SP9: variants seen among roughly 807,000 people sequenced by gnomAD.
SP9 encodes transcription factor Sp9.
In SP9, 5 loss-of-function variants were observed where a neutral mutation model predicts 23.0. The ratio of observed to expected loss-of-function variants is 0.22; its 90% CI spans 0.11 to 0.46. The LOEUF (loss-of-function observed/expected upper bound fraction) is 0.46, where lower values mean the gene tolerates loss of function less well. Ranked by LOEUF, SP9 falls within the 20% of genes least tolerant of loss-of-function variation. The pLI is 0.99. For synonymous variants in SP9, 360 were observed against 356.5 expected, an observed-to-expected ratio of 1.01 and a Z score of -0.11; for missense variants, 542 against 724.0, an observed-to-expected ratio of 0.75 and a Z score of 2.88.
intron 1 of SP9, chr2:174,335,745 C>T: frequency 3.8e-6 from 1 of 264,836 alleles, no homozygotes; most frequent in Non-Finnish European, 7.2e-6. Flanking sequence ...TCTGTGTTTA[C>T]CTTCGCGCTT....
At position 174,334,997 on chromosome 2, in the gene SP9, G is replaced by C; in HGVS notation, c.-96G>C. The C allele has an allele frequency of 1.4e-6, 2 of 1,421,522 alleles. No homozygotes were observed. Among genetic ancestry groups the C allele is most frequent in the East Asian group, 2.5e-5 (1 of 39,892 alleles). The allele number at this position is 1,421,522 out of a possible 1,614,324, so 88.1% of individuals were successfully genotyped here. ...CCTGGAGTCCGCTCGGCACGAGCGC[G>C]GGGACGCGGGAGCCGCGCGGGACCC... is the stretch of plus-strand genomic sequence containing the variant. On this transcript the variant is annotated 5_prime_UTR_variant, in exon 1 of 2. Transcript: ENST00000394967.
chr2:174,335,258 T>C, intron 1 of SP9, 145 bp downstream of exon 1: 12 of 898,614 alleles, frequency 1.3e-5, no homozygotes, highest in Non-Finnish European at 2.0e-5. Flanking sequence ...TTTCTGGGAC[T>C]GATTTTTCCC....
rs1472693146 is a variant in SP9 at position 174,336,418 on chromosome 2, C to T, written c.333C>T (p.Asn111=). ...FSSDYGGLFS[N]SAAAAAAAAG... ...GCGACTACGGCGGCCTCTTCTCCAA[C>T]TCGGCGGCTGCCGCGGCGGCAGCGG... Residue 111 remains asparagine (N), a synonymous_variant, in exon 2 of 2, where the codon AAC becomes AAT. Transcript: ENST00000394967. 6.8e-7 allele frequency: 1 copy of T among 1,472,902 alleles called. No homozygotes were observed. Among genetic ancestry groups the T allele is most frequent in the African/African-American group, 1.5e-5 (1 of 67,322 alleles). 91.2% of individuals were successfully genotyped at this position (1,472,902 alleles called of 1,614,324 possible).
In SP9 at chr2:174,338,214, A is replaced by G. The variant is rs1361216995; in HGVS notation, c.*674A>G. 6.6e-6 allele frequency: 1 copy of G among 152,220 alleles called. No homozygotes were observed. The highest frequency in any genetic ancestry group is 1.5e-5 in the Non-Finnish European group (1 of 68,046). 9.4% of individuals were successfully genotyped at this position (152,220 alleles called of 1,614,324 possible). On this transcript the variant is annotated 3_prime_UTR_variant, in exon 2 of 2. Coordinates refer to ENST00000394967, the MANE Select transcript of SP9 (RefSeq NM_001145250.2). ...TTTCTCTGTATTTCATAACATCTGT[A>G]TAAATAGGGTTCAAAAGATTGTGTT...
chr2:174,336,781 C>G lies in SP9; in HGVS notation c.696C>G (p.Phe232Leu). ...PDFSSLTHSA[F>L]SSTGLGSSAA... ...TCAGCTCGCTCACGCACTCCGCCTT[C>G]AGCTCCACGGGCCTCGGCTCCTCCG... Residue 232 changes from phenylalanine to leucine, a missense_variant, in exon 2 of 2, where the codon TTC becomes TTG. Coordinates refer to ENST00000394967, the MANE Select transcript of SP9 (RefSeq NM_001145250.2). The G allele has an allele frequency of 1.3e-6, 2 of 1,532,204 alleles. No individual in the cohort carries two copies. Among genetic ancestry groups the G allele is most frequent in the Non-Finnish European group, 1.7e-6 (2 of 1,145,126 alleles). 94.9% of individuals were successfully genotyped at this position (1,532,204 alleles called of 1,614,324 possible). A position where few individuals can be genotyped will look rare whatever the true frequency, so the allele number is the denominator to read the frequency against.
rs1278993785 is a variant in SP9, at chr2:174,337,316, A to G, written c.1231A>G (p.Ile411Val). 1 of 1,552,442 alleles carries G rather than the reference A, an allele frequency of 6.4e-7. No individual in the cohort carries two copies. Among genetic ancestry groups the G allele is most frequent in the Non-Finnish European group, 8.7e-7 (1 of 1,147,658 alleles). ...FMRSDHLSKHIKTHNGGGGGK... is the reference protein window; with the variant it reads ...FMRSDHLSKHVKTHNGGGGGK... The stretch of plus-strand genomic sequence containing the variant: ...GCGCAGCGACCACCTGAGCAAACAC[A>G]TTAAGACGCACAACGGGGGCGGCGG... The change falls in exon 2 of 2, where the codon ATT (isoleucine) becomes GTT (valine). Residue 411 changes from isoleucine (I) to valine (V), a missense_variant. By Grantham distance (29) the Ile-to-Val change is conservative. Transcript: ENST00000394967.
In SP9 at chr2:174,336,172, C is replaced by T. The variant is rs748041868; in HGVS notation, c.87C>T (p.Asn29=). The part of the protein sequence containing the change: ...MLAATCNKIG[N]TSPLTTLPES... Reference sequence around the variant, plus strand: ...CGGCGACCTGCAACAAGATCGGCAACACGAGCCCGCTGACGACGCTGCCAG... The same window carrying T: ...CGGCGACCTGCAACAAGATCGGCAATACGAGCCCGCTGACGACGCTGCCAG... The change falls in exon 2 of 2, where the codon AAC becomes AAT. Residue 29 remains asparagine, a synonymous_variant. Coordinates refer to ENST00000394967, the MANE Select transcript of SP9 (RefSeq NM_001145250.2). The T allele has an allele frequency of 6.4e-6, 10 of 1,551,052 alleles. No homozygotes were observed. Among genetic ancestry groups the T allele is most frequent in the Non-Finnish European group, 7.8e-6 (9 of 1,146,676 alleles).
chr2:174,335,134 C>A, intron 1 of SP9, 21 bp downstream of exon 1: 1 of 1,551,724 alleles, frequency 6.4e-7, no homozygotes, highest in Middle Eastern at 1.7e-4. Context: ...AGCGCGGCAA[C>A]GCATTTGCTT....
chr2:174,336,617 T>G lies in SP9; in HGVS notation c.532T>G (p.Ser178Ala), dbSNP rs1237386615. The G allele has an allele frequency of 8.4e-6, 12 of 1,431,768 alleles. No homozygotes were observed. The highest frequency in any genetic ancestry group is 2.9e-5 in the South Asian group (2 of 69,464). The allele number at this position is 1,431,768 out of a possible 1,614,324, so 88.7% of individuals were successfully genotyped here. Residue 178 changes from serine to alanine, a missense_variant, in exon 2 of 2, where the codon TCG becomes GCG. Transcript: ENST00000394967. ...CGGCGAGGTGACCAACGGCGCGGCG[T>G]CGTCGTGGTGGGACGTGCACAGCAG... ...AAGEVTNGAA[S>A]SWWDVHSSPG...
chr2:174,336,925 C>G lies in SP9; in HGVS notation c.840C>G (p.Ser280Arg). 2 of 1,482,718 alleles carry G rather than the reference C, an allele frequency of 1.3e-6. No individual in the cohort carries two copies. Among genetic ancestry groups the G allele is most frequent in the Non-Finnish European group, 1.8e-6 (2 of 1,124,326 alleles). The allele number at this position is 1,482,718 out of a possible 1,614,324, so 91.8% of individuals were successfully genotyped here. The part of the protein sequence containing the change: ...SSAAVAAAAA[S>R]AMISGAAAAA... ...CCGCCGTGGCAGCCGCCGCCGCCAGCGCCATGATATCGGGCGCCGCGGCTG... is the reference window on the plus strand; with the variant it reads ...CCGCCGTGGCAGCCGCCGCCGCCAGGGCCATGATATCGGGCGCCGCGGCTG... Residue 280 changes from serine (S) to arginine (R), a missense_variant, in exon 2 of 2, where the codon AGC becomes AGG. Physicochemically the swap from Ser to Arg is moderately radical, Grantham distance 110 (BLOSUM62 -1). This residue lies in a region of SP9 where 144 missense variants were observed against 158.7 expected (regional missense o/e 0.91). Coordinates refer to ENST00000394967, the MANE Select transcript of SP9 (RefSeq NM_001145250.2).
chr2:174,336,822 A>G lies in SP9; in HGVS notation c.737A>G (p.His246Arg). The G allele has an allele frequency of 1.3e-6, 2 of 1,525,352 alleles. No homozygotes were observed. The highest frequency in any genetic ancestry group is 2.5e-5 in the East Asian group (1 of 39,436). 94.5% of individuals were successfully genotyped at this position (1,525,352 alleles called of 1,614,324 possible). ...GLGSSAAAASHLLSTSQHLLA... is the reference protein window; with the variant it reads ...GLGSSAAAASRLLSTSQHLLA... ...GGCTCCTCCGCCGCCGCCGCCTCCC[A>G]CCTGCTCTCCACCAGCCAGCACCTG... Residue 246 changes from histidine to arginine, a missense_variant, in exon 2 of 2, where the codon CAC (histidine) becomes CGC (arginine). Around this residue, in one of 8 missense-constraint regions of SP9, gnomAD observed 144 missense variants for 158.7 expected, o/e 0.91. Transcript: ENST00000394967.
intron 1 of SP9, 34 bp from the exon 2 acceptor site, chr2:174,336,073 C>T (rs1684405514): frequency 1.3e-6 from 2 of 1,540,278 alleles, no homozygotes; most frequent in Admixed American, 2.0e-5. Context: ...TGCCCTCCTC[C>T]TTCTTGCTCC....
In SP9 at chr2:174,338,416, A is replaced by G. The variant is rs768941599; in HGVS notation, c.*876A>G. The G allele has an allele frequency of 2.0e-5, 3 of 152,246 alleles. No homozygotes were observed. The highest frequency in any genetic ancestry group is 4.4e-5 in the Non-Finnish European group (3 of 68,048). 9.4% of individuals were successfully genotyped at this position (152,246 alleles called of 1,614,324 possible). On this transcript the variant is annotated 3_prime_UTR_variant, in exon 2 of 2. Transcript: ENST00000394967. ...ACAAACACGTAAGTTAAGGTCATCT[A>G]AAGAAATTAAATGCGTTTATCTGTA...
intron 1 of SP9, 134 bp downstream of exon 1, chr2:174,335,247 AT>A (rs1237554806): frequency 7.8e-6 from 8 of 1,024,182 alleles, no homozygotes; most frequent in East Asian, 5.4e-5. Flanking sequence ...CACTTTCCAC[AT>A]TTCTGGGACT....
rs765926423 is a variant in SP9, at chr2:174,336,333, G to A, written c.248G>A (p.Gly83Asp). 1 of 1,498,242 alleles carries A rather than the reference G, an allele frequency of 6.7e-7. No individual in the cohort carries two copies. The highest frequency in any genetic ancestry group is 1.5e-5 in the African/African-American group (1 of 68,584). The allele number at this position is 1,498,242 out of a possible 1,614,324, so 92.8% of individuals were successfully genotyped here. Residue 83 changes from glycine (G) to aspartate (D), a missense_variant, in exon 2 of 2, where the codon GGC becomes GAC. Coordinates refer to ENST00000394967, the MANE Select transcript of SP9 (RefSeq NM_001145250.2). ...RGSGGLAGGS[G>D]AANSAFCLAS... ...TCGGGCGGCCTGGCGGGCGGCTCGG[G>A]CGCCGCCAACAGCGCCTTCTGCCTG...
Position 174,336,960 on chromosome 2 carries a change from G to A in SP9, c.875G>A (p.Gly292Glu). The A allele has an allele frequency of 7.0e-7, 1 of 1,436,128 alleles. No individual in the cohort carries two copies. Among genetic ancestry groups the A allele is most frequent in the Non-Finnish European group, 9.0e-7 (1 of 1,106,848 alleles). The allele number at this position is 1,436,128 out of a possible 1,614,324, so 89.0% of individuals were successfully genotyped here. ...TCGGGCGCCGCGGCTGCCGCCGCCG[G>A]GGGGAGCTCGGCACGCTCTGCCCGC... ...MISGAAAAAA[G>E]GSSARSARRY... Residue 292 changes from glycine to glutamate, a missense_variant, in exon 2 of 2, where the codon GGG becomes GAG. Gly to Glu is a moderately conservative substitution (Grantham distance 98). Transcript: ENST00000394967.
In SP9 at chr2:174,335,002, CGCGGGAG is replaced by C; in HGVS notation, c.-90_-84del. The C allele has an allele frequency of 6.9e-7, 1 of 1,450,364 alleles. No individual in the cohort carries two copies. The highest frequency in any genetic ancestry group is 9.4e-7 in the Non-Finnish European group (1 of 1,059,122). 89.8% of individuals were successfully genotyped at this position (1,450,364 alleles called of 1,614,324 possible). On this transcript the variant is annotated 5_prime_UTR_variant, in exon 1 of 2. Transcript: ENST00000394967. ...AGTCCGCTCGGCACGAGCGCGGGGA[CGCGGGAG>C]CCGCGCGGGACCCAAGCAGTTTTTC... is the stretch of plus-strand genomic sequence containing the variant.
intron 1 of SP9, chr2:174,335,821 GT>G (rs1684397595): frequency 2.3e-6 from 1 of 434,442 alleles, no homozygotes; most frequent in Non-Finnish European, 4.1e-6. Context: ...CCCAAGTCCG[GT>G]TGTAGGCAGG....
chr2:174,335,907 C>T, intron 1 of SP9, 200 bp from the exon 2 acceptor site: 1 of 556,742 alleles, frequency 1.8e-6, no homozygotes, highest in Non-Finnish European at 3.2e-6. Context: ...CCTGGACCTT[C>T]GCCCGGGTGA....
Sources: gnomAD v4.1 joint callset for allele counts on GRCh38, gnomAD v4.1.1 for gene constraint, gnomAD v4.1.1 regional missense constraint, MANE v1.5 for transcripts, NCBI Gene and HGNC (gene_info 2026-07-23, HGNC 2026-07-21) for gene names.